The following DACH1 variants were observed in gnomAD, a reference collection of about 807,000 sequenced individuals.
DACH1 encodes dachshund family transcription factor 1.
A neutral mutation model predicts 54.2 loss-of-function variants in DACH1; 12 were observed. The ratio of observed to expected loss-of-function variants is 0.22; its 90% confidence interval spans 0.14 to 0.36. The LOEUF is 0.36. Among genes scored for constraint, DACH1 ranks in the 10% least tolerant of loss-of-function variants. The pLI is 1.00. For synonymous variants in DACH1, 386 were observed against 366.2 expected (o/e 1.05, Z -0.62); for missense variants, 805 against 929.8 (o/e 0.87, Z 1.75).
chr13:71,737,785 G>T (rs1024117372), intron 1 of DACH1, among the ~76,000 whole-genome samples: 54 of 152,296 alleles, frequency 3.5e-4, no homozygotes, highest in African/African-American at 1.3e-3. Flanking sequence ...TAGGAATGGT[G>T]AAGTTGAGAG....
chr13:71,592,350 C>A (rs1222742683), intron 3 of DACH1, among the ~76,000 whole-genome samples: 3 of 151,544 alleles, frequency 2.0e-5, no homozygotes, highest in Non-Finnish European at 4.4e-5. Context: ...AAACTGCTAG[C>A]TGGGCGTGGT....
intron 3 of DACH1, among the ~76,000 whole-genome samples, chr13:71,606,753 A>G (rs780614572): frequency 1.3e-5 from 2 of 152,086 alleles, no homozygotes; most frequent in Non-Finnish European, 2.9e-5. Flanking sequence ...CCTAACAGGT[A>G]GAATGAGGGA....
At position 71,630,556 on chromosome 13, in the gene DACH1, C is replaced by T; in HGVS notation, c.1126G>A (p.Gly376Arg). ...SENGDMNSSVGLELPFMMMPH... is the reference protein window; with the variant it reads ...SENGDMNSSVRLELPFMMMPH... ...AAGTTTCAGCGAACATAAAACTTACCGACACTTGAATTCATGTCCCCGTTT... is the reference window on the plus strand; with the variant it reads ...AAGTTTCAGCGAACATAAAACTTACTGACACTTGAATTCATGTCCCCGTTT... Residue 376 changes from glycine to arginine, a missense_variant and splice_region_variant, in exon 3 of 11, where the codon GGA (glycine) becomes AGA (arginine). This residue lies in a region of DACH1 where 472 missense variants were observed against 545.3 expected (regional missense o/e 0.87). Transcript: ENST00000613252. The T allele has an allele frequency of 1.3e-6, 2 of 1,580,710 alleles. No homozygotes were observed. The highest frequency in any genetic ancestry group is 8.6e-7 in the Non-Finnish European group (1 of 1,168,268).
At chr13:71,559,110 A>T (rs1021246071) in intron 5 of DACH1, among the ~76,000 whole-genome samples, 5 of 152,104 alleles carry the variant, frequency 3.3e-5, no homozygotes, top group Non-Finnish European at 5.9e-5. Flanking sequence ...TATTGTACAG[A>T]CACAAAAATC....
At chr13:71,681,674 T>C in intron 2 of DACH1, 121 bp downstream of exon 2, 1 of 574,494 alleles carries the variant, frequency 1.7e-6, no homozygotes, top group East Asian at 2.9e-5. Flanking sequence ...AGTAACATTA[T>C]CTTAGTGTGC....
At chr13:71,476,349 A>C (rs893194821) in intron 8 of DACH1, among the ~76,000 whole-genome samples, 1 of 152,338 alleles carries the variant, frequency 6.6e-6, no homozygotes, top group Admixed American at 6.5e-5. Context: ...TCAGTTTTTA[A>C]TAATTTCTTT....
At chr13:71,609,960 A>G (rs911482594) in intron 3 of DACH1, among the ~76,000 whole-genome samples, 9 of 152,208 alleles carry the variant, frequency 5.9e-5, no homozygotes, top group South Asian at 2.1e-4. Context: ...AGGACATCAT[A>G]TATCAGGGAG....
chr13:71,692,263 T>C (rs575245194), intron 1 of DACH1, among the ~76,000 whole-genome samples: 2 of 152,152 alleles, frequency 1.3e-5, no homozygotes, highest in East Asian at 1.9e-4. Context: ...TAACTTGAAA[T>C]AGTTTTCATT....
intron 1 of DACH1, among the ~76,000 whole-genome samples, chr13:71,840,787 T>C (rs4257105): frequency 0.066 from 10,047 of 152,238 alleles, 1,077 homozygotes; most frequent in East Asian, 0.57. Context: ...TCTGAGCAGA[T>C]AAATTTGATT....
chr13:71,837,405 T>TG (rs1888835115), intron 1 of DACH1, among the ~76,000 whole-genome samples: 1 of 120,120 alleles, frequency 8.3e-6, no homozygotes, highest in African/African-American at 3.9e-5. Context: ...TTCTAAAATA[T>TG]GGGTTTTTTT....
chr13:71,704,887 T>C (rs1212750119), intron 1 of DACH1, among the ~76,000 whole-genome samples: 4 of 152,180 alleles, frequency 2.6e-5, no homozygotes, highest in Non-Finnish European at 4.4e-5. Flanking sequence ...ATCGGCCAGA[T>C]ACTATTTATG....
chr13:71,769,008 C>A (rs1341769822), intron 1 of DACH1, among the ~76,000 whole-genome samples: 1 of 151,748 alleles, frequency 6.6e-6, no homozygotes, highest in Non-Finnish European at 1.5e-5. Context: ...CTATGACAAC[C>A]TGTGCATTAA....
intron 1 of DACH1, among the ~76,000 whole-genome samples, chr13:71,841,210 G>T (rs1594288017): frequency 6.6e-6 from 1 of 151,830 alleles, no homozygotes; most frequent in South Asian, 2.1e-4. Context: ...TCTTCCCAGG[G>T]TTTCTAACAG....
chr13:71,620,618 T>C (rs1253425606), intron 3 of DACH1, among the ~76,000 whole-genome samples: 3 of 152,010 alleles, frequency 2.0e-5, no homozygotes. Context: ...ATAACACTTT[T>C]ACATTTGTTT....
intron 6 of DACH1, among the ~76,000 whole-genome samples, chr13:71,542,569 A>G (rs1883206359): frequency 6.6e-6 from 1 of 152,142 alleles, no homozygotes; most frequent in African/African-American, 2.4e-5. Context: ...AAATTTTTCC[A>G]CAATAAATAA....
intron 3 of DACH1, among the ~76,000 whole-genome samples, chr13:71,616,170 C>A (rs1304156730): frequency 6.6e-6 from 1 of 152,096 alleles, no homozygotes; most frequent in African/African-American, 2.4e-5. Flanking sequence ...TTTTCACTTC[C>A]ATGTTTTGGC....
chr13:71,717,207 T>G (rs1883013349), intron 1 of DACH1, among the ~76,000 whole-genome samples: 1 of 152,128 alleles, frequency 6.6e-6, no homozygotes, highest in African/African-American at 2.4e-5. Flanking sequence ...TACAAAAAAT[T>G]TTAGTTTAAA....
chr13:71,689,546 C>G (rs981530937), intron 1 of DACH1, among the ~76,000 whole-genome samples: 17 of 152,152 alleles, frequency 1.1e-4, no homozygotes, highest in Admixed American at 1.0e-3. Context: ...ATTAGCTACT[C>G]TGGTGAGGAT....
At chr13:71,654,258 A>G (rs890163130) in intron 2 of DACH1, among the ~76,000 whole-genome samples, 1 of 151,292 alleles carries the variant, frequency 6.6e-6, no homozygotes, top group East Asian at 2.0e-4. Context: ...GGTGTGGCGG[A>G]GCACACCTGT....
Sources: gnomAD v4.1 joint callset for allele counts (sites outside exome capture counted in the v4.1 genomes callset) on GRCh38, gnomAD v4.1.1 for gene constraint, gnomAD v4.1.1 regional missense constraint, MANE v1.5 for transcripts, NCBI Gene and HGNC (gene_info 2026-07-23, HGNC 2026-07-21) for gene names.